FREM3: variants seen among roughly 807,000 people sequenced by gnomAD.
The protein encoded by FREM3 is FRAS1-related extracellular matrix protein 3.
In FREM3, 105 loss-of-function variants were observed where a neutral mutation model predicts 129.1. The ratio of observed to expected loss-of-function variants is 0.81; its 90% CI spans 0.69 to 0.96. The LOEUF (loss-of-function observed/expected upper bound fraction) is 0.96. Ranked by LOEUF, FREM3 falls within the 40% of genes least tolerant of loss-of-function variation. FREM3 has a pLI of 0.00. For synonymous variants in FREM3, 1,014 were observed against 1,044.9 expected, an observed-to-expected ratio of 0.97 and a Z score of 0.57; for missense variants, 2,593 against 2,666.3, an observed-to-expected ratio of 0.97 and a Z score of 0.61.
chr4:143,672,660 TCTC>T (rs1740021286), intron 2 of FREM3, among the ~76,000 whole-genome samples: 1 of 152,208 alleles, frequency 6.6e-6, no homozygotes, highest in Non-Finnish European at 1.5e-5. Context: ...TTGGGGAAGT[TCTC>T]CTGGATAATA....
Position 143,693,868 on chromosome 4 carries a change from C to T in FREM3, c.5186-666G>A, listed in dbSNP as rs545874587. Among the ~76,000 whole-genome samples, 7 of 152,036 alleles carry T rather than the reference C, an allele frequency of 4.6e-5. 1 individual carries two copies. Among genetic ancestry groups the T allele is most frequent in the East Asian group, 3.9e-4 (2 of 5,178 alleles). ...CTATTATCCTTCACAAACTAATTCA[C>T]GAACAGGAAACCAAATACTGCATAT... is the stretch of plus-strand genomic sequence containing the variant. On this transcript the variant is annotated intron_variant, in intron 1 of 7. Coordinates refer to ENST00000329798, the MANE Select transcript of FREM3 (RefSeq NM_001168235.2).
chr4:143,651,731 C>T (rs1739514098), intron 2 of FREM3, among the ~76,000 whole-genome samples: 1 of 152,132 alleles, frequency 6.6e-6, no homozygotes, highest in African/African-American at 2.4e-5. Flanking sequence ...CCAATGTCGA[C>T]ATCAGGAAAT....
intron 5 of FREM3, among the ~76,000 whole-genome samples, chr4:143,620,439 G>C (rs1475801909): frequency 6.6e-6 from 1 of 152,194 alleles, no homozygotes; most frequent in Non-Finnish European, 1.5e-5. Flanking sequence ...TTTCTGCATA[G>C]TTGCTAATAA....
chr4:143,666,535 C>T (rs913520634), intron 2 of FREM3, among the ~76,000 whole-genome samples: 14 of 152,106 alleles, frequency 9.2e-5, no homozygotes, highest in South Asian at 8.3e-4. Context: ...GTACATACAA[C>T]GGAATATTAT....
intron 2 of FREM3, among the ~76,000 whole-genome samples, chr4:143,691,409 T>C (rs1252013328): frequency 2.2e-5 from 3 of 137,700 alleles, no homozygotes; most frequent in African/African-American, 8.0e-5. Context: ...CAAAAACTTA[T>C]GGAAAAATTA....
chr4:143,673,356 G>A (rs1168652859), intron 2 of FREM3, among the ~76,000 whole-genome samples: 4 of 152,178 alleles, frequency 2.6e-5, no homozygotes, highest in East Asian at 1.9e-4. Context: ...CTGGAGGTCC[G>A]CTCCAGACCC....
At chr4:143,629,732 A>G (rs947562871) in intron 2 of FREM3, among the ~76,000 whole-genome samples, 6 of 152,094 alleles carry the variant, frequency 3.9e-5, no homozygotes, top group Non-Finnish European at 5.9e-5. Flanking sequence ...CAAACCCATT[A>G]CAGAGTATGG....
chr4:143,581,712 C>A (rs1043312989), intron 7 of FREM3, among the ~76,000 whole-genome samples: 1 of 152,068 alleles, frequency 6.6e-6, no homozygotes. Flanking sequence ...CCTGTGAGAC[C>A]CCAACCCCCT....
intron 2 of FREM3, among the ~76,000 whole-genome samples, chr4:143,686,791 C>G (rs952956857): frequency 3.9e-5 from 6 of 152,050 alleles, no homozygotes; most frequent in Admixed American, 1.3e-4. Context: ...ACAATAATAA[C>G]ACGACCTATC....
At chr4:143,665,860 G>A (rs776498915) in intron 2 of FREM3, among the ~76,000 whole-genome samples, 13 of 151,946 alleles carry the variant, frequency 8.6e-5, no homozygotes, top group Admixed American at 4.6e-4. Flanking sequence ...GGATATCAAA[G>A]GCCTGATTTA....
At chr4:143,610,769 C>T (rs1487770335) in intron 6 of FREM3, among the ~76,000 whole-genome samples, 2 of 152,050 alleles carry the variant, frequency 1.3e-5, no homozygotes, top group Non-Finnish European at 2.9e-5. Flanking sequence ...ATGAGGCGCC[C>T]CTCTCTTCTC....
rs554728455 is a variant in FREM3 at position 143,668,482 on chromosome 4, T to C, written c.5275+24631A>G. 1.8e-3 allele frequency among the ~76,000 whole-genome samples: 281 copies of C among 152,332 alleles called. 3 individuals are homozygous for C. The highest frequency in any genetic ancestry group is 6.5e-3 in the African/African-American group (272 of 41,592). ...TGTCTATATCTAATAACACACCCAA[T>C]GAATAAAACACTGTGTTCCTTGATC... On this transcript the variant is annotated intron_variant, in intron 2 of 7. Coordinates refer to ENST00000329798, the MANE Select transcript of FREM3 (RefSeq NM_001168235.2).
intron 7 of FREM3, among the ~76,000 whole-genome samples, chr4:143,580,129 G>A (rs1205130833): frequency 6.6e-6 from 1 of 152,164 alleles, no homozygotes; most frequent in African/African-American, 2.4e-5. Flanking sequence ...AGAGTGCCAA[G>A]ATGGCTAACT....
At position 143,699,524 on chromosome 4, in the gene FREM3, C is replaced by G. The variant is rs764157739; in HGVS notation, c.1152G>C (p.Glu384Asp). The G allele has an allele frequency of 6.5e-7, 1 of 1,537,272 alleles. No individual in the cohort carries two copies. ...VSFFTQQELR[E>D]LKIAYQPPAE... ...CAGGGGGCTGATAGGCAATCTTCAG[C>G]TCCCTCAGCTCCTGCTGGGTGAAGA... Residue 384 changes from glutamate to aspartate, a missense_variant, in exon 1 of 8, where the codon GAG becomes GAC. Coordinates refer to ENST00000329798, the MANE Select transcript of FREM3 (RefSeq NM_001168235.2). The surrounding 1 kb of genome is among the most constrained non-coding windows in gnomAD (Gnocchi z 4.2).
chr4:143,641,539 C>T (rs1739321147), intron 2 of FREM3, among the ~76,000 whole-genome samples: 1 of 152,168 alleles, frequency 6.6e-6, no homozygotes, highest in Non-Finnish European at 1.5e-5. Flanking sequence ...GTTAAGTAAA[C>T]CACAGCACAG....
intron 2 of FREM3, among the ~76,000 whole-genome samples, chr4:143,665,308 T>G (rs762993757): frequency 1.4e-4 from 22 of 152,108 alleles, no homozygotes; most frequent in Non-Finnish European, 2.9e-4. Flanking sequence ...CCTTACCCAC[T>G]TATTCTCATA....
At chr4:143,644,317 A>G (rs570248361) in intron 2 of FREM3, among the ~76,000 whole-genome samples, 24 of 152,248 alleles carry the variant, frequency 1.6e-4, no homozygotes, top group African/African-American at 5.1e-4. Flanking sequence ...GTCTTTATGC[A>G]TACGTGAGCT....
chr4:143,631,022 T>C (rs1739128664), intron 2 of FREM3, among the ~76,000 whole-genome samples: 1 of 152,132 alleles, frequency 6.6e-6, no homozygotes, highest in African/African-American at 2.4e-5. Flanking sequence ...ATGGTGATGA[T>C]AGAGCAGAAG....
Position 143,695,877 on chromosome 4 carries a change from T to C in FREM3, c.4799A>G (p.Asp1600Gly). 12 of 1,537,532 alleles carry C rather than the reference T, an allele frequency of 7.8e-6. No homozygotes were observed. The highest frequency in any genetic ancestry group is 9.6e-6 in the Non-Finnish European group (11 of 1,146,986). ...SRPVTTFTKQ[D>G]LNKNLISYKH... is the part of the protein sequence containing the mutation. Reference sequence around the variant, plus strand: ...GTAGCTAATCAGGTTCTTGTTCAGGTCTTGCTTGGTGAAAGTGGTCACGGG... The same window carrying C: ...GTAGCTAATCAGGTTCTTGTTCAGGCCTTGCTTGGTGAAAGTGGTCACGGG... Residue 1600 changes from aspartate to glycine, a missense_variant, in exon 1 of 8, where the codon GAC becomes GGC. Coordinates refer to ENST00000329798, the MANE Select transcript of FREM3 (RefSeq NM_001168235.2).
Sources: allele counts gnomAD v4.1 joint callset (sites outside exome capture counted in the v4.1 genomes callset), GRCh38; gene constraint gnomAD v4.1.1; non-coding constraint Gnocchi (gnomAD v3.1); transcripts MANE v1.5; gene names NCBI Gene and HGNC (gene_info 2026-07-23, HGNC 2026-07-21).